The following TAFA4 variants were observed in gnomAD, a reference collection of about 807,000 sequenced individuals.
TAFA4 encodes chemokine-like protein TAFA-4.
A neutral mutation model predicts 21.1 loss-of-function variants in TAFA4; 20 were observed. The observed-to-expected ratio is 0.95, with a 90% CI of 0.67 to 1.38. TAFA4 has a LOEUF of 1.38. Among genes scored for constraint, TAFA4 ranks in the 40% most tolerant of loss-of-function variants. The probability of loss-of-function intolerance (pLI) is 0.00; values close to 1 mark genes in which losing one functional copy is unlikely to be tolerated. For missense variants in TAFA4, 211 were observed against 180.9 expected (o/e 1.17, Z -0.95); for synonymous variants, 71 against 67.4 (o/e 1.05, Z -0.26).
rs533126767 is a variant in TAFA4 at position 68,801,641 on chromosome 3, AG to A, written c.131-48624del. Among the ~76,000 whole-genome samples the A allele has an allele frequency of 1.4e-4, 21 of 152,348 alleles. 2 individuals are homozygous for A. In the South Asian group the frequency reaches 4.4e-3, roughly 32 times the overall value. On this transcript the variant is annotated intron_variant, in intron 3 of 5. Transcript: ENST00000295569. Reference sequence around the variant, plus strand: ...GGTCTTATCACCATAATCTGGCTCAAGGGTTAGTGAACCTTTTCTTAAAAGA... The same window carrying A: ...GGTCTTATCACCATAATCTGGCTCAAGGTTAGTGAACCTTTTCTTAAAAGA...
intron 3 of TAFA4, among the ~76,000 whole-genome samples, chr3:68,813,638 G>C (rs558087590): frequency 2.2e-4 from 33 of 152,222 alleles, no homozygotes; most frequent in African/African-American, 7.7e-4. Context: ...TGTCTGAATA[G>C]ATCAACAAAA....
chr3:68,872,022 C>G (rs542952565), intron 3 of TAFA4, among the ~76,000 whole-genome samples: 7 of 152,044 alleles, frequency 4.6e-5, no homozygotes, highest in South Asian at 2.1e-4. Flanking sequence ...CTAAAAGGAC[C>G]AAATGATCCA....
intron 1 of TAFA4, among the ~76,000 whole-genome samples, chr3:68,931,501 A>G (rs1045650389): frequency 1.3e-5 from 2 of 152,206 alleles, no homozygotes; most frequent in Admixed American, 6.5e-5. Context: ...TCCAGTTCCA[A>G]TCCTCTCCCG....
chr3:68,733,248 A>T, intron 5 of TAFA4, 95 bp from the exon 6 acceptor site: 1 of 1,457,348 alleles, frequency 6.9e-7, no homozygotes, highest in Non-Finnish European at 9.4e-7. Flanking sequence ...GACTGTGAAT[A>T]CTTTATCAGT....
intron 5 of TAFA4, 130 bp downstream of exon 5, chr3:68,738,945 G>A (rs747886058): frequency 3.1e-5 from 41 of 1,313,730 alleles, no homozygotes; most frequent in Admixed American, 2.5e-4. Flanking sequence ...GGCCAAATCC[G>A]TAAGGTAGCA....
At position 68,739,213 on chromosome 3, in the gene TAFA4, G is replaced by A; in HGVS notation, c.287-14C>T. 1.2e-6 allele frequency: 2 copies of A among 1,613,302 alleles called. No homozygotes were observed. The highest frequency in any genetic ancestry group is 8.5e-7 in the Non-Finnish European group (1 of 1,179,532). ...TCACAATGGAAGCTGGAAAACAAAGGCCAAATAATATTTGTGACACTGTTT... is the reference window on the plus strand; with the variant it reads ...TCACAATGGAAGCTGGAAAACAAAGACCAAATAATATTTGTGACACTGTTT... On this transcript the variant is annotated splice_polypyrimidine_tract_variant and intron_variant, in intron 4 of 5. Coordinates refer to ENST00000295569, the MANE Select transcript of TAFA4 (RefSeq NM_182522.5).
intron 3 of TAFA4, 35 bp downstream of exon 3, chr3:68,880,695 A>G (rs369496312): frequency 1.3e-6 from 2 of 1,562,404 alleles, no homozygotes; most frequent in Non-Finnish European, 1.8e-6. Flanking sequence ...GGGTTTTATT[A>G]TCTCAGCAGT....
intron 3 of TAFA4, among the ~76,000 whole-genome samples, chr3:68,786,295 A>G (rs1703260528): frequency 6.6e-6 from 1 of 152,204 alleles, no homozygotes; most frequent in Admixed American, 6.5e-5. Flanking sequence ...ACTGGAGGAA[A>G]CACAAGAAAA....
intron 3 of TAFA4, among the ~76,000 whole-genome samples, chr3:68,817,066 CT>C (rs1703995533): frequency 6.6e-6 from 1 of 152,170 alleles, no homozygotes; most frequent in African/African-American, 2.4e-5. Flanking sequence ...AAAGATTTCT[CT>C]GTAGCATGTG....
chr3:68,760,048 T>G (rs910705344), intron 3 of TAFA4, among the ~76,000 whole-genome samples: 2 of 152,144 alleles, frequency 1.3e-5, no homozygotes, highest in Non-Finnish European at 2.9e-5. Context: ...GAAATTGCAA[T>G]CGGGTTGCAT....
At chr3:68,878,771 G>A (rs915391180) in intron 3 of TAFA4, among the ~76,000 whole-genome samples, 2 of 152,080 alleles carry the variant, frequency 1.3e-5, no homozygotes, top group Non-Finnish European at 2.9e-5. Context: ...TTTTTTAGTT[G>A]CTTAAAAATA....
At position 68,890,426 on chromosome 3, in the gene TAFA4, AG is replaced by A. The variant is rs1394446001; in HGVS notation, c.-122-5117del. On this transcript the variant is annotated intron_variant, in intron 1 of 5. Coordinates refer to ENST00000295569, the MANE Select transcript of TAFA4 (RefSeq NM_182522.5). ...AGCTTATTGCCAATTCTAAGCAATAAGGGGAGTGAAAGTTTGAATGTTGTGG... is the reference window on the plus strand; with the variant it reads ...AGCTTATTGCCAATTCTAAGCAATAAGGGAGTGAAAGTTTGAATGTTGTGG... Among the ~76,000 whole-genome samples the A allele has an allele frequency of 2.6e-5, 4 of 152,218 alleles. 1 individual carries two copies. The highest frequency in any genetic ancestry group is 2.6e-4 in the Admixed American group (4 of 15,268).
intron 3 of TAFA4, among the ~76,000 whole-genome samples, chr3:68,818,459 C>A (rs116020908): frequency 0.017 from 2,620 of 152,332 alleles, 78 homozygotes; most frequent in African/African-American, 0.06. Context: ...GCATCCACAA[C>A]TTCACTGTTT....
At chr3:68,735,166 C>A (rs7427677) in intron 5 of TAFA4, among the ~76,000 whole-genome samples, 7,226 of 151,314 alleles carry the variant, frequency 0.048, 393 homozygotes, top group East Asian at 0.24. Context: ...CTGAGCTGGA[C>A]ATTAAAAGAC....
chr3:68,771,490 C>G (rs751354019), intron 3 of TAFA4, among the ~76,000 whole-genome samples: 2 of 152,222 alleles, frequency 1.3e-5, no homozygotes, highest in Admixed American at 6.5e-5. Flanking sequence ...ATATGAGCCA[C>G]ACCCTGTCGC....
chr3:68,831,579 T>C (rs1575630477), intron 3 of TAFA4, among the ~76,000 whole-genome samples: 1 of 152,188 alleles, frequency 6.6e-6, no homozygotes, highest in Non-Finnish European at 1.5e-5. Flanking sequence ...CTTCCCTTTG[T>C]GGGTAACCCG....
At chr3:68,774,619 T>A in intron 3 of TAFA4, among the ~76,000 whole-genome samples, 1 of 152,220 alleles carries the variant, frequency 6.6e-6, no homozygotes, top group Non-Finnish European at 1.5e-5. Context: ...TTGGGTCAAC[T>A]AGTAGCCACT....
In TAFA4 at chr3:68,906,217, T is replaced by C. The variant is rs146230652; in HGVS notation, c.-122-20907A>G. 5.6e-3 allele frequency among the ~76,000 whole-genome samples: 848 copies of C among 152,306 alleles called. 13 individuals are homozygous for C. The highest frequency in any genetic ancestry group is 0.02 in the African/African-American group (814 of 41,578). ...AAAGCTGGCACTGCCTCTCTGTCTC[T>C]TGTTCATGTCCTGGGCGATGATACA... is the stretch of plus-strand genomic sequence containing the variant. On this transcript the variant is annotated intron_variant, in intron 1 of 5. Transcript: ENST00000295569.
At chr3:68,909,740 C>T (rs982198669) in intron 1 of TAFA4, among the ~76,000 whole-genome samples, 1 of 152,200 alleles carries the variant, frequency 6.6e-6, no homozygotes, top group South Asian at 2.1e-4. Flanking sequence ...GACTGTGTTA[C>T]TTATCTAATG....
Sources: allele counts gnomAD v4.1 joint callset (sites outside exome capture counted in the v4.1 genomes callset), GRCh38; gene constraint gnomAD v4.1.1; transcripts MANE v1.5; gene names NCBI Gene and HGNC (gene_info 2026-07-23, HGNC 2026-07-21).